BTN2A1: variants seen among roughly 807,000 people sequenced by gnomAD.
BTN2A1 encodes butyrophilin, subfamily 2, member A1.
Under a neutral mutation model 34.5 loss-of-function variants are expected in BTN2A1, and 41 were observed. That is an observed-to-expected ratio of 1.19 (90% CI 0.93 to 1.54). BTN2A1 has a LOEUF of 1.54. BTN2A1 is among the 40% of genes most tolerant of loss of function. The pLI, the probability that BTN2A1 is intolerant of heterozygous loss-of-function variation, is 0.00. For synonymous variants in BTN2A1, 267 were observed against 258.6 expected, an observed-to-expected ratio of 1.03 and a Z score of -0.31; for missense variants, 642 against 662.0, an observed-to-expected ratio of 0.97 and a Z score of 0.33.
At chr6:26,458,874 T>C (rs926444091) in intron 2 of BTN2A1, among the ~76,000 whole-genome samples, 156 bp downstream of exon 2, 2 of 152,150 alleles carry the variant, frequency 1.3e-5, no homozygotes, top group Admixed American at 6.5e-5. Context: ...CCAAAAGGAA[T>C]ACAGTGAGGC....
chr6:26,459,881 A>G, intron 3 of BTN2A1, 53 bp downstream of exon 3: 2 of 1,536,590 alleles, frequency 1.3e-6, no homozygotes, highest in South Asian at 2.5e-5. Context: ...CTTTGGGGAA[A>G]GTTTCTCTCC....
At position 26,469,294 on chromosome 6, in the gene BTN2A1, A is replaced by G. The variant is rs1763407918; in HGVS notation, c.*745A>G. On this transcript the variant is annotated 3_prime_UTR_variant, in exon 8 of 8. Coordinates refer to ENST00000312541, the MANE Select transcript of BTN2A1 (RefSeq NM_007049.5). Reference sequence around the variant, plus strand: ...TCCTGGCTGAGCCAAGGAGTAATGGACCAGATCTACCTCAGTATTCAAGTT... The same window carrying G: ...TCCTGGCTGAGCCAAGGAGTAATGGGCCAGATCTACCTCAGTATTCAAGTT... The G allele has an allele frequency of 1.0e-6, 1 of 991,970 alleles. No homozygotes were observed. Among genetic ancestry groups the G allele is most frequent in the Non-Finnish European group, 1.2e-6 (1 of 833,714 alleles). The allele number at this position is 991,970 out of a possible 1,614,324, so 61.4% of individuals were successfully genotyped here.
At chr6:26,470,968 A>G (rs576083572), downstream of BTN2A1, among the ~76,000 whole-genome samples, 5 of 152,200 alleles carry the variant, frequency 3.3e-5, no homozygotes, top group South Asian at 2.1e-4. Flanking sequence ...TGTATCCCCT[A>G]TTGGTTCTGT....
chr6:26,461,401 A>G (rs1481442787), intron 3 of BTN2A1, among the ~76,000 whole-genome samples: 2 of 152,202 alleles, frequency 1.3e-5, no homozygotes, highest in African/African-American at 2.4e-5. Flanking sequence ...GTTTTGAAGA[A>G]TTTCGTTTTC....
intron 3 of BTN2A1, chr6:26,462,865 G>A (rs1296192314): frequency 3.1e-6 from 4 of 1,279,872 alleles, no homozygotes; most frequent in Non-Finnish European, 4.1e-6. Flanking sequence ...AAACCTGCCT[G>A]TTTGAAGTTG....
rs1256119648 is a variant in BTN2A1 at position 26,465,296 on chromosome 6, A to G, written c.824A>G (p.Glu275Gly). 2 of 1,613,998 alleles carry G rather than the reference A, an allele frequency of 1.2e-6. No homozygotes were observed. The highest frequency in any genetic ancestry group is 1.7e-5 in the Admixed American group (1 of 59,988). Residue 275 changes from glutamate (E) to glycine (G), a missense_variant, in exon 5 of 8, where the codon GAA becomes GGA. Physicochemically the swap from Glu to Gly is moderately conservative, Grantham distance 98. Transcript: ENST00000312541. ...TATTGGATCAACAAACTCCAAAAGG[A>G]AAAAAAGATTCTGTCAGGGGAAAAG... ...CIYWINKLQKEKKILSGEKEF... is the reference protein window; with the variant it reads ...CIYWINKLQKGKKILSGEKEF...
chr6:26,459,348 C>G, intron 2 of BTN2A1, 133 bp from the exon 3 acceptor site: 2 of 997,462 alleles, frequency 2.0e-6, no homozygotes, highest in African/African-American at 3.3e-5. Flanking sequence ...CTACTGGTCC[C>G]CAGATTTCTC....
chr6:26,473,159 G>A (rs1406495074), downstream of BTN2A1, among the ~76,000 whole-genome samples: 1 of 152,004 alleles, frequency 6.6e-6, no homozygotes, highest in Non-Finnish European at 1.5e-5. Flanking sequence ...TTGGAGGTGG[G>A]GTATCACTGG....
chr6:26,474,954 T>TGGCCAGGCTGGCC (rs1270540196), intron 7 of BTN2A1, among the ~76,000 whole-genome samples: 2 of 152,052 alleles, frequency 1.3e-5, no homozygotes, highest in African/African-American at 4.8e-5. Context: ...TTCACCATGT[T>TGGCCAGGCTGGCC]GGCCAGGCTG....
intron 4 of BTN2A1, among the ~76,000 whole-genome samples, chr6:26,464,874 C>T (rs1763266264): frequency 6.6e-6 from 1 of 152,162 alleles, no homozygotes; most frequent in Non-Finnish European, 1.5e-5. Flanking sequence ...AAGGAGGGCA[C>T]CGCAGTATTC....
At chr6:26,458,249 C>G (rs1353456348) in intron 1 of BTN2A1, 107 bp downstream of exon 1, 1 of 220,256 alleles carries the variant, frequency 4.5e-6, no homozygotes, top group Non-Finnish European at 9.1e-6. Flanking sequence ...GGAAAGCCCA[C>G]CGGTGGGGAG....
chr6:26,467,740 G>T, intron 7 of BTN2A1: 1 of 1,592,814 alleles, frequency 6.3e-7, no homozygotes, highest in South Asian at 1.1e-5. Flanking sequence ...TTCTCAAACT[G>T]AGAGAACTGC....
chr6:26,468,162 T>C lies in BTN2A1; in HGVS notation c.1197T>C (p.Thr399=), dbSNP rs1346371992. Residue 399 remains threonine (T), a synonymous_variant, in exon 8 of 8, where the codon ACT becomes ACC. Coordinates refer to ENST00000312541, the MANE Select transcript of BTN2A1 (RefSeq NM_007049.5). ...EVEVENVIEW[T]VGVCRDSVER... Reference sequence around the variant, plus strand: ...AGGTGGAAAACGTGATTGAGTGGACTGTGGGGGTCTGTAGAGACAGTGTTG... The same window carrying C: ...AGGTGGAAAACGTGATTGAGTGGACCGTGGGGGTCTGTAGAGACAGTGTTG... 17 of 1,614,118 alleles carry C rather than the reference T, an allele frequency of 1.1e-5. No homozygotes were observed. The highest frequency in any genetic ancestry group is 1.3e-5 in the Non-Finnish European group (15 of 1,180,008).
chr6:26,472,264 ATCTG>A (rs1199128836), downstream of BTN2A1, among the ~76,000 whole-genome samples: 2 of 152,172 alleles, frequency 1.3e-5, no homozygotes, highest in Non-Finnish European at 2.9e-5. Flanking sequence ...CCCTTAAATA[ATCTG>A]TCTGATAAAC....
chr6:26,460,903 C>G (rs775391447), intron 3 of BTN2A1, among the ~76,000 whole-genome samples: 3 of 152,140 alleles, frequency 2.0e-5, no homozygotes, highest in Admixed American at 2.0e-4. Flanking sequence ...GAGCAAGACT[C>G]TGTATCAAAA....
At position 26,465,940 on chromosome 6, in the gene BTN2A1, G is replaced by C. The variant is rs758194721; in HGVS notation, c.935-13G>C. ...TTCTGTCAAAGACATGATTTTCTTT[G>C]TTTGTTTTTCAGAGAAACTTCAAGA... On this transcript the variant is annotated splice_polypyrimidine_tract_variant and intron_variant, in intron 5 of 7. Transcript: ENST00000312541. 7 of 1,608,128 alleles carry C rather than the reference G, an allele frequency of 4.4e-6. No individual in the cohort carries two copies. The East Asian group carries it at 6.7e-5, about 15-fold the overall frequency.
In BTN2A1 at chr6:26,463,458, G is replaced by A; in HGVS notation, c.645G>A (p.Arg215=). 1 of 1,614,124 alleles carries A rather than the reference G, an allele frequency of 6.2e-7. No homozygotes were observed. The highest frequency in any genetic ancestry group is 1.1e-5 in the South Asian group (1 of 91,080). ...TGATCATCAGAGACAAGTCTGTGAG[G>A]AACATGTCCTGCTCTATCAACAACA... ...TAVIIRDKSV[R]NMSCSINNTL... is the part of the protein sequence containing the mutation. Residue 215 remains arginine, a synonymous_variant, in exon 4 of 8, where the codon AGG becomes AGA. Transcript: ENST00000312541.
chr6:26,465,170 T>G lies in BTN2A1; in HGVS notation c.713-15T>G. Reference sequence around the variant, plus strand: ...CTGTTTCAAACTAAGTGGATATTTCTGGCTGCCTTTTCAGAATCCTTTATG... The same window carrying G: ...CTGTTTCAAACTAAGTGGATATTTCGGGCTGCCTTTTCAGAATCCTTTATG... On this transcript the variant is annotated splice_polypyrimidine_tract_variant and intron_variant, in intron 4 of 7. Coordinates refer to ENST00000312541, the MANE Select transcript of BTN2A1 (RefSeq NM_007049.5). 7 of 1,608,504 alleles carry G rather than the reference T, an allele frequency of 4.4e-6. No homozygotes were observed. Among genetic ancestry groups the G allele is most frequent in the Non-Finnish European group, 6.0e-6 (7 of 1,174,986 alleles).
chr6:26,458,633 G>A lies in BTN2A1; in HGVS notation c.-4G>A. On this transcript the variant is annotated 5_prime_UTR_variant, in exon 2 of 8. Coordinates refer to ENST00000312541, the MANE Select transcript of BTN2A1 (RefSeq NM_007049.5). ...CCTCCTGTCCCTGCCTGCTCTGGGT[G>A]CTCATGGAATCAGCTGCTGCCCTGC... The A allele has an allele frequency of 2.5e-6, 4 of 1,614,082 alleles. No homozygotes were observed. The highest frequency in any genetic ancestry group is 3.4e-6 in the Non-Finnish European group (4 of 1,179,988).
Sources: gnomAD v4.1 joint callset for allele counts (sites outside exome capture counted in the v4.1 genomes callset) on GRCh38, gnomAD v4.1.1 for gene constraint, MANE v1.5 for transcripts, NCBI Gene and HGNC (gene_info 2026-07-23, HGNC 2026-07-21) for gene names.